CARD14: variants seen among roughly 807,000 people sequenced by gnomAD.
The protein encoded by CARD14 is caspase recruitment domain family member 14, also known as caspase recruitment domain-containing protein 14.
In CARD14, 107 loss-of-function variants were observed where a neutral mutation model predicts 111.5. The ratio of observed to expected loss-of-function variants is 0.96; its 90% CI spans 0.82 to 1.13. The LOEUF (loss-of-function observed/expected upper bound fraction) is 1.13. Ranked by LOEUF, CARD14 falls within the 50% of genes most tolerant of loss-of-function variation. The probability of loss-of-function intolerance (pLI) is 0.00; values close to 1 mark genes in which losing one functional copy is unlikely to be tolerated. For synonymous variants in CARD14, 617 were observed against 579.6 expected, an observed-to-expected ratio of 1.06 and a Z score of -0.93; for missense variants, 1,322 against 1,362.3, an observed-to-expected ratio of 0.97 and a Z score of 0.47.
At chr17:80,193,395 GGACCC>G (rs1289450897) in intron 12 of CARD14, among the ~76,000 whole-genome samples, 7 of 151,906 alleles carry the variant, frequency 4.6e-5, no homozygotes, top group African/African-American at 1.5e-4. Context: ...AGTTTCCAGG[GGACCC>G]GATTCAACCT....
rs148100253 is a variant in CARD14 at position 80,180,147 on chromosome 17, C to T, written c.-21+846C>T. Among the ~76,000 whole-genome samples the T allele has an allele frequency of 1.5e-3, 222 of 152,264 alleles. 1 individual carries two copies. The highest frequency in any genetic ancestry group is 2.5e-3 in the Non-Finnish European group (172 of 68,008). ...ACAGTGGGGTACACAGCTCATCTCT[C>T]GCTGGGATGGGAGGCTGGGCAGGTG... On this transcript the variant is annotated intron_variant, in intron 4 of 23. Coordinates refer to ENST00000648509, the MANE Select transcript of CARD14 (RefSeq NM_001366385.1).
At chr17:80,205,926 G>A (rs1157736092) in intron 22 of CARD14, 4 of 334,912 alleles carry the variant, frequency 1.2e-5, no homozygotes, top group South Asian at 6.7e-5. Flanking sequence ...GAATAAATCC[G>A]AGCTAACAAC....
Position 80,191,393 on chromosome 17 carries a change from G to A in CARD14, c.1160G>A (p.Arg387Lys). Residue 387 changes from arginine (R) to lysine (K), a missense_variant, in exon 11 of 24, where the codon AGG becomes AAG. Arg to Lys is a conservative substitution (Grantham distance 26, BLOSUM62 2). Transcript: ENST00000648509. ...CTGGTGGAGAAGGACTCCCTCCGCA[G>A]GCAGGTGTTCGAGCTGACGGACCAG... ...QSLVEKDSLR[R>K]QVFELTDQVC... 6.2e-7 allele frequency: 1 copy of A among 1,613,856 alleles called. No homozygotes were observed. The highest frequency in any genetic ancestry group is 1.7e-5 in the Admixed American group (1 of 60,012).
chr17:80,183,964 G>A lies in CARD14; in HGVS notation c.401G>A (p.Ser134Asn). The change falls in exon 7 of 24, where the codon AGC becomes AAC. Residue 134 changes from serine (S) to asparagine (N), a missense_variant. Transcript: ENST00000648509. The part of the protein sequence containing the change: ...LTECLAGAIG[S>N]LQEELNQEKG... Reference sequence around the variant, plus strand: ...GAGTGCCTGGCTGGGGCCATCGGCAGCCTGCAGGAGGAGCTGAACCAGGAA... The same window carrying A: ...GAGTGCCTGGCTGGGGCCATCGGCAACCTGCAGGAGGAGCTGAACCAGGAA... The A allele has an allele frequency of 6.4e-7, 1 of 1,553,912 alleles. No homozygotes were observed. Among genetic ancestry groups the A allele is most frequent in the South Asian group, 1.2e-5 (1 of 81,406 alleles).
rs1567878529 is a variant in CARD14 at position 80,189,578 on chromosome 17, C to T, written c.844-175C>T. On this transcript the variant is annotated intron_variant, in intron 8 of 23. Transcript: ENST00000648509. The surrounding 1 kb of genome is among the most constrained non-coding windows in gnomAD (Gnocchi z 4.7). ...TCCTTGGCCATGAATCTGCACTTTT[C>T]CCAGGCATGATGGGTGGCTTTTCCG... Among the ~76,000 whole-genome samples the T allele has an allele frequency of 6.6e-6, 1 of 152,170 alleles. No individual in the cohort carries two copies. The highest frequency in any genetic ancestry group is 1.5e-5 in the Non-Finnish European group (1 of 68,030).
chr17:80,208,373 G>A lies in CARD14; in HGVS notation c.*28G>A, dbSNP rs761295337. 1 of 1,542,262 alleles carries A rather than the reference G, an allele frequency of 6.5e-7. No homozygotes were observed. Among genetic ancestry groups the A allele is most frequent in the East Asian group, 2.3e-5 (1 of 42,992 alleles). ...CACCGTGCCCCTTCCCGGGACTGTG[G>A]GGGCTTCTGTGTGCCTGTTAATGCA... On this transcript the variant is annotated 3_prime_UTR_variant, in exon 24 of 24. Transcript: ENST00000648509.
chr17:80,201,667 G>C lies in CARD14; in HGVS notation c.1852-77G>C. The C allele has an allele frequency of 6.5e-7, 1 of 1,534,430 alleles. No homozygotes were observed. The highest frequency in any genetic ancestry group is 1.1e-5 in the South Asian group (1 of 89,442). Reference sequence around the variant, plus strand: ...GGGCTGGCCCGCGCCTCGCCTCAGTGCCCTCAGCGCCTTCTGTCTTCTGGC... The same window carrying C: ...GGGCTGGCCCGCGCCTCGCCTCAGTCCCCTCAGCGCCTTCTGTCTTCTGGC... On this transcript the variant is annotated intron_variant, in intron 16 of 23. Transcript: ENST00000648509. This position sits in a 1 kb window ranked among gnomAD's most constrained non-coding sequence, Gnocchi z 5.0.
rs1343147840 is a variant in CARD14, at chr17:80,208,172, C to G, written c.2842C>G (p.Gln948Glu). The stretch of plus-strand genomic sequence containing the variant: ...ACAGCGGTTGGGCACCTCAGAGGAG[C>G]AGCTCCTGGAGGCTGCGAGGCAGGA... ...GLQRLGTSEEQLLEAARQEEG... is the reference protein window; with the variant it reads ...GLQRLGTSEEELLEAARQEEG... Residue 948 changes from glutamine (Q) to glutamate (E), a missense_variant, in exon 24 of 24, where the codon CAG (glutamine) becomes GAG (glutamate). By Grantham distance (29) the Gln-to-Glu change is conservative. Transcript: ENST00000648509. 2 of 1,548,468 alleles carry G rather than the reference C, an allele frequency of 1.3e-6. No individual in the cohort carries two copies. The highest frequency in any genetic ancestry group is 2.7e-5 in the African/African-American group (2 of 73,264).
chr17:80,197,932 C>T (rs1266911141), intron 14 of CARD14, among the ~76,000 whole-genome samples, 167 bp from the exon 15 acceptor site: 7 of 151,996 alleles, frequency 4.6e-5, no homozygotes, highest in Non-Finnish European at 8.8e-5. Context: ...GGCAGTGGGG[C>T]CTGAGGCTGA....
Position 80,182,852 on chromosome 17 carries a change from C to G in CARD14, c.349+62C>G. On this transcript the variant is annotated intron_variant, in intron 6 of 23. Transcript: ENST00000648509. The surrounding 1 kb of genome is among the most constrained non-coding windows in gnomAD (Gnocchi z 4.7). The stretch of plus-strand genomic sequence containing the variant: ...CTAGGAACCTCAGGCTCCTGGTAAC[C>G]CCAGGTGCCCCGCTTACTTGCCGAT... 1.3e-6 allele frequency: 2 copies of G among 1,591,238 alleles called. No homozygotes were observed. The highest frequency in any genetic ancestry group is 8.6e-7 in the Non-Finnish European group (1 of 1,163,022).
Position 80,173,010 on chromosome 17 carries a change from A to G in CARD14, c.-585A>G, listed in dbSNP as rs1247170069. On this transcript the variant is annotated 5_prime_UTR_variant, in exon 2 of 24. Coordinates refer to ENST00000648509, the MANE Select transcript of CARD14 (RefSeq NM_001366385.1). Reference sequence around the variant, plus strand: ...ATTCTCCTGCCTCACCCTCCTGAGTAGCTGGGACTACAGGCGAGCACCACC... The same window carrying G: ...ATTCTCCTGCCTCACCCTCCTGAGTGGCTGGGACTACAGGCGAGCACCACC... The G allele has an allele frequency of 2.0e-5, 3 of 149,614 alleles. No homozygotes were observed. The highest frequency in any genetic ancestry group is 4.2e-4 in the South Asian group (2 of 4,756). 9.3% of individuals were successfully genotyped at this position (149,614 alleles called of 1,614,324 possible). A position where few individuals can be genotyped will look rare whatever the true frequency, so the allele number is the denominator to read the frequency against.
rs2040409016 is a variant in CARD14, at chr17:80,188,268, C to T, written c.676-109C>T. 8.6e-7 allele frequency: 1 copy of T among 1,159,520 alleles called. No homozygotes were observed. The highest frequency in any genetic ancestry group is 1.6e-5 in the African/African-American group (1 of 62,574). 71.8% of individuals were successfully genotyped at this position (1,159,520 alleles called of 1,614,324 possible). ...TTTTTCAGTCTCGAGGCAGGAAGCC[C>T]CCTGAGTGCTAAAAGCATCATTAGG... On this transcript the variant is annotated intron_variant, in intron 7 of 23. Transcript: ENST00000648509. The surrounding 1 kb of genome is among the most constrained non-coding windows in gnomAD (Gnocchi z 4.5).
Position 80,188,675 on chromosome 17 carries a change from T to A in CARD14, c.843+131T>A. The A allele has an allele frequency of 1.1e-6, 1 of 927,600 alleles. No homozygotes were observed. The highest frequency in any genetic ancestry group is 1.4e-6 in the Non-Finnish European group (1 of 690,692). The allele number at this position is 927,600 out of a possible 1,614,324, so 57.5% of individuals were successfully genotyped here. Reference sequence around the variant, plus strand: ...AAGAGATGAAATTTAGTGACTCATCTCACCCACTTTCTCTTTACCTCCTTC... The same window carrying A: ...AAGAGATGAAATTTAGTGACTCATCACACCCACTTTCTCTTTACCTCCTTC... On this transcript the variant is annotated intron_variant, in intron 8 of 23. Transcript: ENST00000648509. The surrounding 1 kb of genome is among the most constrained non-coding windows in gnomAD (Gnocchi z 4.5).
chr17:80,183,218 C>T (rs557188347), intron 6 of CARD14, among the ~76,000 whole-genome samples: 3 of 152,302 alleles, frequency 2.0e-5, no homozygotes, highest in South Asian at 4.1e-4. Flanking sequence ...TTGGCAGGGC[C>T]GCGGAGCCTT....
intron 4 of CARD14, among the ~76,000 whole-genome samples, chr17:80,180,447 G>A (rs2040134008): frequency 6.6e-6 from 1 of 152,196 alleles, no homozygotes; most frequent in Non-Finnish European, 1.5e-5. Context: ...TCTTCTGCGA[G>A]GCACTTGTGC....
rs1367828387 is a variant in CARD14, at chr17:80,203,928, G to A, written c.2283+43G>A. On this transcript the variant is annotated intron_variant, in intron 19 of 23. Coordinates refer to ENST00000648509, the MANE Select transcript of CARD14 (RefSeq NM_001366385.1). The surrounding 1 kb of genome is among the most constrained non-coding windows in gnomAD (Gnocchi z 4.6). ...GGCCTGGACCCCACTGGGGTGGGCT[G>A]GAAGAGGGGCTCGGTGCTGGCAGGG... 6.7e-7 allele frequency: 1 copy of A among 1,499,032 alleles called. No individual in the cohort carries two copies. The allele number at this position is 1,499,032 out of a possible 1,614,324, so 92.9% of individuals were successfully genotyped here.
At chr17:80,205,291 C>G (rs1389187350) in intron 21 of CARD14, 86 bp downstream of exon 21, 1 of 1,260,254 alleles carries the variant, frequency 7.9e-7, no homozygotes, top group Non-Finnish European at 1.1e-6. Flanking sequence ...CCCCTTCCTC[C>G]CTCCTCCTTC....
At position 80,188,547 on chromosome 17, in the gene CARD14, A is replaced by C. The variant is rs2040418735; in HGVS notation, c.843+3A>C. The C allele has an allele frequency of 6.7e-7, 1 of 1,501,080 alleles. No individual in the cohort carries two copies. Among genetic ancestry groups the C allele is most frequent in the African/African-American group, 1.4e-5 (1 of 70,890 alleles). 93.0% of individuals were successfully genotyped at this position (1,501,080 alleles called of 1,614,324 possible). On this transcript the variant is annotated splice_donor_region_variant and intron_variant, in intron 8 of 23. Transcript: ENST00000648509. The surrounding 1 kb of genome is among the most constrained non-coding windows in gnomAD (Gnocchi z 4.5). ...TGCGCTCGCTGACTTTCAGCCTGGT[A>C]GGTTCCGGTCCCCGCAGCAGAGAGC...
chr17:80,203,268 T>G lies in CARD14; in HGVS notation c.2220-554T>G. 1 of 127,350 alleles carries G rather than the reference T, an allele frequency of 7.9e-6. No homozygotes were observed. The allele number at this position is 127,350 out of a possible 1,614,324, so 7.9% of individuals were successfully genotyped here. On this transcript the variant is annotated intron_variant, in intron 18 of 23. Transcript: ENST00000648509. The surrounding 1 kb of genome is among the most constrained non-coding windows in gnomAD (Gnocchi z 4.6). ...CTGGGCGACAGAGTGAGACTCTGTC[T>G]CAAAAAAAAAAAAAAAGAAAAGGAA...
Sources: allele counts gnomAD v4.1 joint callset (sites outside exome capture counted in the v4.1 genomes callset), GRCh38; gene constraint gnomAD v4.1.1; non-coding constraint Gnocchi (gnomAD v3.1); transcripts MANE v1.5; gene names NCBI Gene and HGNC (gene_info 2026-07-23, HGNC 2026-07-21).